Variants in C1QTNF7 observed in about 807,000 individuals in gnomAD.
C1QTNF7 encodes C1q and TNF related 7.
C1QTNF7 carries 15 observed loss-of-function variants against 19.6 expected under a neutral mutation model. The observed-to-expected ratio is 0.76, with a 90% CI of 0.51 to 1.18. The LOEUF is 1.18. Among genes scored for constraint, C1QTNF7 ranks in the 50% most tolerant of loss-of-function variants. The pLI is 0.00. For synonymous variants in C1QTNF7, 142 were observed against 137.5 expected (o/e 1.03, Z -0.23); for missense variants, 324 against 359.7 (o/e 0.90, Z 0.80).
chr4:15,386,137 G>A (rs1049321581), intron 1 of C1QTNF7, among the ~76,000 whole-genome samples: 3 of 152,148 alleles, frequency 2.0e-5, no homozygotes, highest in East Asian at 1.9e-4. Context: ...GAGGATGTCC[G>A]CATCCCAGCC....
At chr4:15,412,346 A>G (rs1419169548) in intron 1 of C1QTNF7, among the ~76,000 whole-genome samples, 1 of 151,156 alleles carries the variant, frequency 6.6e-6, no homozygotes, top group African/African-American at 2.4e-5. Context: ...GTCTGTGGGA[A>G]AATTGTCTTC....
At chr4:15,342,941 G>A (rs28505716) in intron 1 of C1QTNF7, among the ~76,000 whole-genome samples, 3,859 of 152,232 alleles carry the variant, frequency 0.025, 158 homozygotes, top group African/African-American at 0.088. Flanking sequence ...CATTCAAACA[G>A]TTAGTTTCTT....
chr4:15,363,048 CT>C (rs1325053578), intron 1 of C1QTNF7, among the ~76,000 whole-genome samples: 1 of 152,114 alleles, frequency 6.6e-6, no homozygotes, highest in East Asian at 1.9e-4. Context: ...AAATTTTGTA[CT>C]TTTTTTTCTC....
At chr4:15,383,073 C>T (rs1022547393) in intron 1 of C1QTNF7, among the ~76,000 whole-genome samples, 35 of 152,160 alleles carry the variant, frequency 2.3e-4, no homozygotes, top group African/African-American at 6.3e-4. Flanking sequence ...CAACGTCATG[C>T]CCTCTCCTCT....
At chr4:15,423,599 T>A (rs143706622), upstream of C1QTNF7, among the ~76,000 whole-genome samples, 58 of 152,272 alleles carry the variant, frequency 3.8e-4, no homozygotes, top group African/African-American at 1.3e-3. Context: ...TCACAGCCCT[T>A]CTGAGGAACC....
At chr4:15,430,356 G>A (rs1424413625) in intron 1 of C1QTNF7, among the ~76,000 whole-genome samples, 1 of 152,138 alleles carries the variant, frequency 6.6e-6, no homozygotes. Context: ...AGGGCGAGGT[G>A]GGCAGATCGC....
At position 15,366,914 on chromosome 4, in the gene C1QTNF7, G is replaced by C. The variant is rs368396239; in HGVS notation, c.13+26707G>C. Among the ~76,000 whole-genome samples, 8 of 152,226 alleles carry C rather than the reference G, an allele frequency of 5.3e-5. No individual in the cohort carries two copies. In the East Asian group the frequency reaches 7.7e-4, roughly 15 times the overall value. On this transcript the variant is annotated intron_variant, in intron 1 of 2. Coordinates refer to the C1QTNF7 transcript ENST00000295297. ...CACATGAGGAATGGAAAAATTGGGG[G>C]GAAAAGATAGTGATGATTGTGAAAC...
At chr4:15,397,149 C>G (rs1420851485) in intron 1 of C1QTNF7, among the ~76,000 whole-genome samples, 1 of 152,124 alleles carries the variant, frequency 6.6e-6, no homozygotes, top group Non-Finnish European at 1.5e-5. Flanking sequence ...GGAAACCGCC[C>G]CCGTGATTCC....
At chr4:15,420,826 CTTT>C (rs61609914) in intron 1 of C1QTNF7, among the ~76,000 whole-genome samples, 3 of 66,242 alleles carry the variant, frequency 4.5e-5, no homozygotes, top group African/African-American at 1.2e-4. Context: ...ACTGCTTTGT[CTTT>C]TTTTTTTTTT....
intron 1 of C1QTNF7, among the ~76,000 whole-genome samples, chr4:15,404,969 G>A (rs1719139866): frequency 6.6e-6 from 1 of 152,132 alleles, no homozygotes; most frequent in Non-Finnish European, 1.5e-5. Flanking sequence ...TCAATGATTT[G>A]CATAATATTC....
At chr4:15,367,175 A>T (rs181043387) in intron 1 of C1QTNF7, among the ~76,000 whole-genome samples, 1 of 152,200 alleles carries the variant, frequency 6.6e-6, no homozygotes, top group African/African-American at 2.4e-5. Flanking sequence ...AAATCTTAAA[A>T]TTAGAAAGAA....
intron 1 of C1QTNF7, among the ~76,000 whole-genome samples, chr4:15,404,293 C>G (rs1719114323): frequency 6.6e-6 from 1 of 152,112 alleles, no homozygotes; most frequent in South Asian, 2.1e-4. Flanking sequence ...ATACATGGGG[C>G]CTAAGGATCC....
chr4:15,396,630 T>TA lies in C1QTNF7; in HGVS notation c.14-39098dup, dbSNP rs201503412. On this transcript the variant is annotated intron_variant, in intron 1 of 2. Coordinates refer to the C1QTNF7 transcript ENST00000295297. Reference sequence around the variant, plus strand: ...AGGGACAGAAAAAGGATAATAAAGCTAAAAAAAAGGTGTGTTATTGAGTGG... The same window carrying TA: ...AGGGACAGAAAAAGGATAATAAAGCTAAAAAAAAAGGTGTGTTATTGAGTGG... 3.7e-3 allele frequency among the ~76,000 whole-genome samples: 562 copies of TA among 151,534 alleles called. 1 individual carries two copies. Among genetic ancestry groups the TA allele is most frequent in the African/African-American group, 0.013 (528 of 41,302 alleles).
At chr4:15,364,163 TTCTA>T (rs1717434635) in intron 1 of C1QTNF7, among the ~76,000 whole-genome samples, 1 of 152,226 alleles carries the variant, frequency 6.6e-6, no homozygotes, top group Admixed American at 6.5e-5. Context: ...TGTCATGTTC[TTCTA>T]TCTTTTTGGT....
intron 1 of C1QTNF7, among the ~76,000 whole-genome samples, chr4:15,418,834 G>C (rs73232910): frequency 2.9e-3 from 444 of 152,300 alleles, no homozygotes; most frequent in Middle Eastern, 0.01. Context: ...GACTGAGTTG[G>C]TGTATGCAGA....
exon 1 of C1QTNF7, chr4:15,340,183 T>G (rs762764730): frequency 6.2e-5 from 96 of 1,551,570 alleles, no homozygotes; most frequent in Non-Finnish European, 7.7e-5. Flanking sequence ...GGGGGAAAGT[T>G]TGATATCAGC....
chr4:15,424,919 T>C (rs16891934), upstream of C1QTNF7, among the ~76,000 whole-genome samples: 39,745 of 152,040 alleles, frequency 0.26, 6,033 homozygotes, highest in East Asian at 0.37. Context: ...AGCACAGTTC[T>C]GTGATTATTT....
chr4:15,433,200 T>C (rs1322351888), intron 1 of C1QTNF7, among the ~76,000 whole-genome samples: 1 of 152,148 alleles, frequency 6.6e-6, no homozygotes, highest in Non-Finnish European at 1.5e-5. Context: ...ATTTTTTTGG[T>C]AGAGATGGGG....
upstream of C1QTNF7, among the ~76,000 whole-genome samples, chr4:15,423,543 A>T (rs114896609): frequency 5.6e-3 from 859 of 152,344 alleles, 5 homozygotes; most frequent in African/African-American, 0.02. Context: ...AAGCGGCAGC[A>T]GGCACCACCT....
Sources: allele counts gnomAD v4.1 joint callset (sites outside exome capture counted in the v4.1 genomes callset), GRCh38; gene constraint gnomAD v4.1.1; transcripts MANE v1.5; gene names NCBI Gene and HGNC (gene_info 2026-07-23, HGNC 2026-07-21).